GAREM1: variants seen among roughly 807,000 people sequenced by gnomAD.
GAREM1 encodes GRB2 associated regulator of MAPK1 subtype 1.
GAREM1 carries 26 observed loss-of-function variants against 71.3 expected under a neutral mutation model. The observed-to-expected ratio is 0.36, with a 90% CI of 0.27 to 0.51. The LOEUF (loss-of-function observed/expected upper bound fraction) is 0.51, where lower values mean the gene tolerates loss of function less well. GAREM1 is among the 20% of genes least tolerant of loss of function. GAREM1 has a pLI of 0.95. For synonymous variants in GAREM1, 440 were observed against 433.2 expected, an observed-to-expected ratio of 1.02 and a Z score of -0.20; for missense variants, 1,026 against 1,103.1, an observed-to-expected ratio of 0.93 and a Z score of 0.99.
At chr18:32,446,106 A>G (rs2048783283) in intron 1 of GAREM1, among the ~76,000 whole-genome samples, 1 of 152,122 alleles carries the variant, frequency 6.6e-6, no homozygotes, top group Non-Finnish European at 1.5e-5. Context: ...AGAAATCTCT[A>G]ATGACACAAA....
At position 32,466,267 on chromosome 18, in the gene GAREM1, G is replaced by A. The variant is rs546634884; in HGVS notation, c.121+4041C>T. On this transcript the variant is annotated intron_variant, in intron 1 of 5. Coordinates refer to ENST00000269209, the MANE Select transcript of GAREM1 (RefSeq NM_001242409.2). ...ACACTGAGACAGAATTCTATACAGC[G>A]GAAGAGAAATGGAGTAAGAATTTAA... Among the ~76,000 whole-genome samples, 7 of 151,166 alleles carry A rather than the reference G, an allele frequency of 4.6e-5. No homozygotes were observed. In the East Asian group the frequency reaches 7.8e-4, roughly 17 times the overall value.
chr18:32,279,292 C>T (rs1036078490), intron 4 of GAREM1, among the ~76,000 whole-genome samples: 1 of 152,156 alleles, frequency 6.6e-6, no homozygotes, highest in Non-Finnish European at 1.5e-5. Context: ...CCAGGCTGCA[C>T]AGCAGGAGGC....
At chr18:32,315,072 T>C (rs1011207165) in intron 2 of GAREM1, among the ~76,000 whole-genome samples, 4 of 152,168 alleles carry the variant, frequency 2.6e-5, no homozygotes, top group African/African-American at 9.7e-5. Flanking sequence ...GATTCATATG[T>C]ATGCCAAACA....
intron 1 of GAREM1, among the ~76,000 whole-genome samples, chr18:32,420,796 G>C (rs1339120518): frequency 6.6e-6 from 1 of 151,046 alleles, no homozygotes; most frequent in Admixed American, 6.6e-5. Flanking sequence ...GGATGCAAGA[G>C]AGCCACATAG....
intron 1 of GAREM1, among the ~76,000 whole-genome samples, chr18:32,429,954 G>T (rs2048608096): frequency 6.6e-6 from 1 of 152,198 alleles, no homozygotes; most frequent in Non-Finnish European, 1.5e-5. Flanking sequence ...AAAAATACTA[G>T]AAATCATGGC....
intron 1 of GAREM1, among the ~76,000 whole-genome samples, chr18:32,451,329 T>G: frequency 6.9e-6 from 1 of 144,380 alleles, no homozygotes; most frequent in East Asian, 2.1e-4. Context: ...ACTATTCTAA[T>G]TCTTCAAAAT....
At position 32,263,548 on chromosome 18, in the gene GAREM1, A is replaced by C. The variant is rs1305330317; in HGVS notation, c.*4323T>G. On this transcript the variant is annotated 3_prime_UTR_variant, in exon 6 of 6. Transcript: ENST00000269209. ...AACTTTGAAAATTTCTTTATTACAG[A>C]CATTTCAGAACCATTTAAATCAACA... is the stretch of plus-strand genomic sequence containing the variant. 1 of 152,180 alleles carries C rather than the reference A, an allele frequency of 6.6e-6. No individual in the cohort carries two copies. 9.4% of individuals were successfully genotyped at this position (152,180 alleles called of 1,614,324 possible).
intron 2 of GAREM1, among the ~76,000 whole-genome samples, chr18:32,324,708 C>G (rs2047459372): frequency 6.6e-6 from 1 of 152,202 alleles, no homozygotes; most frequent in African/African-American, 2.4e-5. Context: ...TCTATAGGTT[C>G]TGCATTGCAT....
chr18:32,433,087 C>T (rs998535680), intron 1 of GAREM1, among the ~76,000 whole-genome samples: 1 of 151,632 alleles, frequency 6.6e-6, no homozygotes, highest in African/African-American at 2.4e-5. Flanking sequence ...GGAATTTAGC[C>T]CAGGAATTCA....
rs137998360 is a variant in GAREM1, at chr18:32,268,721, G to A, written c.1781C>T (p.Ser594Phe). 1 of 1,614,118 alleles carries A rather than the reference G, an allele frequency of 6.2e-7. No individual in the cohort carries two copies. Among genetic ancestry groups the A allele is most frequent in the Non-Finnish European group, 8.5e-7 (1 of 1,179,992 alleles). ...DTNPSESTPV[S>F]CYPCNRVKTD... is the part of the protein sequence containing the mutation. ...TTTCACTCGGTTACATGGATAGCAG[G>A]AAACAGGAGTGCTTTCAGAAGGATT... Residue 594 changes from serine to phenylalanine, a missense_variant, in exon 6 of 6, where the codon TCC becomes TTC. By Grantham distance (155) the Ser-to-Phe change is radical. Around this residue, in one of 3 missense-constraint regions of GAREM1, gnomAD observed 636 missense variants for 631.2 expected, o/e 1.01. Coordinates refer to ENST00000269209, the MANE Select transcript of GAREM1 (RefSeq NM_001242409.2).
At chr18:32,433,961 G>A (rs2048650371) in intron 1 of GAREM1, among the ~76,000 whole-genome samples, 1 of 152,030 alleles carries the variant, frequency 6.6e-6, no homozygotes, top group Non-Finnish European at 1.5e-5. Flanking sequence ...GAAAGGCAAA[G>A]GAACCACAAT....
rs114269046 is a variant in GAREM1, at chr18:32,316,456, C to A, written c.263-6133G>T. Among the ~76,000 whole-genome samples, 1,025 of 152,204 alleles carry A rather than the reference C, an allele frequency of 6.7e-3. 13 individuals are homozygous for A. The highest frequency in any genetic ancestry group is 0.024 in the African/African-American group (982 of 41,528). ...TTATTGAAAACCAAATACTACCTTA[C>A]ATTTCTTTATTTTTGAGACAAGGTC... On this transcript the variant is annotated intron_variant, in intron 2 of 5. Transcript: ENST00000269209.
At chr18:32,313,298 G>T (rs1200537171) in intron 2 of GAREM1, among the ~76,000 whole-genome samples, 3 of 152,302 alleles carry the variant, frequency 2.0e-5, no homozygotes, top group South Asian at 4.1e-4. Context: ...GAAAAAAGTA[G>T]TGGGATCAAT....
intron 2 of GAREM1, among the ~76,000 whole-genome samples, chr18:32,328,522 A>C (rs1182286507): frequency 1.3e-5 from 2 of 152,236 alleles, no homozygotes; most frequent in South Asian, 4.1e-4. Context: ...CATGAGTGCT[A>C]TTCCTGCTAG....
At chr18:32,437,157 T>C (rs550037171) in intron 1 of GAREM1, among the ~76,000 whole-genome samples, 1 of 152,242 alleles carries the variant, frequency 6.6e-6, no homozygotes, top group Non-Finnish European at 1.5e-5. Context: ...AGCAAAGCAA[T>C]GTGTTATAAT....
chr18:32,354,333 G>T (rs759720007), intron 2 of GAREM1, among the ~76,000 whole-genome samples: 19 of 152,004 alleles, frequency 1.2e-4, no homozygotes, highest in Non-Finnish European at 1.5e-5. Flanking sequence ...ATAATATATT[G>T]GATTTCAGTG....
intron 2 of GAREM1, among the ~76,000 whole-genome samples, chr18:32,352,640 AG>A (rs35642336): frequency 0.013 from 1,930 of 152,286 alleles, 53 homozygotes; most frequent in African/African-American, 0.044. Context: ...TAGGCCAGTG[AG>A]GACTTTTCCC....
chr18:32,384,693 C>T (rs1314144621), intron 2 of GAREM1, among the ~76,000 whole-genome samples: 2 of 152,170 alleles, frequency 1.3e-5, no homozygotes, highest in Non-Finnish European at 1.5e-5. Context: ...AAATAACAAA[C>T]TCACAATAAT....
At chr18:32,312,657 A>T (rs1004527809) in intron 2 of GAREM1, among the ~76,000 whole-genome samples, 8 of 152,224 alleles carry the variant, frequency 5.3e-5, no homozygotes, top group African/African-American at 1.9e-4. Context: ...AGTGAGATGT[A>T]GGAAATGTTT....
Sources: gnomAD v4.1 joint callset for allele counts (sites outside exome capture counted in the v4.1 genomes callset) on GRCh38, gnomAD v4.1.1 for gene constraint, gnomAD v4.1.1 regional missense constraint, MANE v1.5 for transcripts, NCBI Gene and HGNC (gene_info 2026-07-23, HGNC 2026-07-21) for gene names.